LEPR: variants seen among roughly 807,000 people sequenced by gnomAD.
LEPR encodes OB receptor.
A neutral mutation model predicts 114.7 loss-of-function variants in LEPR; 56 were observed. That is an observed-to-expected ratio of 0.49 (90% CI 0.39 to 0.61). The LOEUF (loss-of-function observed/expected upper bound fraction) is 0.61. LEPR is among the 20% of genes least tolerant of loss of function. The probability of loss-of-function intolerance (pLI) is 0.00; values close to 1 mark genes in which losing one functional copy is unlikely to be tolerated. For missense variants in LEPR, 1,202 were observed against 1,352.9 expected, an observed-to-expected ratio of 0.89 and a Z score of 1.75; for synonymous variants, 443 against 461.4, an observed-to-expected ratio of 0.96 and a Z score of 0.51.
intron 2 of LEPR, among the ~76,000 whole-genome samples, chr1:65,483,889 C>G (rs1373141987): frequency 6.6e-6 from 1 of 151,126 alleles, no homozygotes; most frequent in East Asian, 1.9e-4. Flanking sequence ...GTTTTTTTTT[C>G]TTTATAACCT....
At chr1:65,509,429 A>G (rs1238617318) in intron 2 of LEPR, among the ~76,000 whole-genome samples, 1 of 151,470 alleles carries the variant, frequency 6.6e-6, no homozygotes, top group Non-Finnish European at 1.5e-5. Flanking sequence ...CCTTTTCTGC[A>G]TCTATTATGA....
intron 2 of LEPR, among the ~76,000 whole-genome samples, chr1:65,549,222 C>T (rs937250038): frequency 1.3e-5 from 2 of 151,608 alleles, no homozygotes; most frequent in Admixed American, 1.3e-4. Flanking sequence ...CCCGACCTTT[C>T]TCTCTGGCTG....
chr1:65,500,144 C>T (rs1011887853), intron 2 of LEPR, among the ~76,000 whole-genome samples: 7 of 152,052 alleles, frequency 4.6e-5, no homozygotes, highest in African/African-American at 1.7e-4. Context: ...TCCCCTTCAC[C>T]TTCTGCCATG....
chr1:65,515,878 T>C (rs1165057632), intron 2 of LEPR, among the ~76,000 whole-genome samples: 1 of 152,218 alleles, frequency 6.6e-6, no homozygotes, highest in East Asian at 1.9e-4. Context: ...AAAAAATTGC[T>C]AGCACTTAAG....
intron 2 of LEPR, among the ~76,000 whole-genome samples, chr1:65,467,771 C>G (rs1007733065): frequency 2.0e-5 from 3 of 152,202 alleles, no homozygotes; most frequent in Non-Finnish European, 4.4e-5. Flanking sequence ...CTCCCCCAGT[C>G]AAGCTGCAGT....
chr1:65,623,769 T>C (rs1427290927), intron 19 of LEPR, among the ~76,000 whole-genome samples: 1 of 152,164 alleles, frequency 6.6e-6, no homozygotes, highest in Non-Finnish European at 1.5e-5. Flanking sequence ...ATACAAGATA[T>C]AAACTAAAGC....
At position 65,633,008 on chromosome 1, in the gene LEPR, C is replaced by A; in HGVS notation, c.2674-3183C>A. ...CTTAGTTCAAAATTTTGCCCTTTCC[C>A]AAAAGGATGCATTATTGTAACCTAA... On this transcript the variant is annotated intron_variant, in intron 19 of 19. Coordinates refer to ENST00000349533, the MANE Select transcript of LEPR (RefSeq NM_002303.6). The surrounding 1 kb of genome is among the most constrained non-coding windows in gnomAD (Gnocchi z 4.1). 1.5e-6 allele frequency: 1 copy of A among 668,588 alleles called. No individual in the cohort carries two copies. Among genetic ancestry groups the A allele is most frequent in the South Asian group, 2.1e-5 (1 of 47,594 alleles). The allele number at this position is 668,588 out of a possible 1,614,324, so 41.4% of individuals were successfully genotyped here.
chr1:65,469,921 C>T (rs747334954), intron 2 of LEPR, among the ~76,000 whole-genome samples: 1 of 152,214 alleles, frequency 6.6e-6, no homozygotes, highest in African/African-American at 2.4e-5. Context: ...CTGACCTGTG[C>T]GCACAGCACA....
At chr1:65,463,314 T>C (rs947720031) in intron 2 of LEPR, among the ~76,000 whole-genome samples, 6 of 152,200 alleles carry the variant, frequency 3.9e-5, no homozygotes, top group African/African-American at 1.4e-4. Flanking sequence ...GTCAGGTTTG[T>C]CAAAGATCAG....
At chr1:65,488,218 C>CTTTT (rs1189228267) in intron 2 of LEPR, among the ~76,000 whole-genome samples, 1 of 65,512 alleles carries the variant, frequency 1.5e-5, no homozygotes, top group Non-Finnish European at 2.6e-5. Flanking sequence ...CTTTCTCTCT[C>CTTTT]TCTCTCTCTC....
At chr1:65,534,413 T>C (rs1650613657) in intron 2 of LEPR, among the ~76,000 whole-genome samples, 1 of 152,196 alleles carries the variant, frequency 6.6e-6, no homozygotes, top group African/African-American at 2.4e-5. Flanking sequence ...TTGCCATATA[T>C]TGTGAGCATC....
chr1:65,570,573 C>T lies in LEPR; in HGVS notation c.141C>T (p.Phe47=). The stretch of plus-strand genomic sequence containing the variant: ...CACCAAATTCAACCTATGACTACTT[C>T]CTTTTGCCTGCTGGACTCTCAAAGA... ...CMPPNSTYDY[F]LLPAGLSKNT... Residue 47 remains phenylalanine (F), a synonymous_variant, in exon 4 of 20, where the codon TTC becomes TTT. Coordinates refer to ENST00000349533, the MANE Select transcript of LEPR (RefSeq NM_002303.6). 6.2e-7 allele frequency: 1 copy of T among 1,613,986 alleles called. No individual in the cohort carries two copies. Among genetic ancestry groups the T allele is most frequent in the Non-Finnish European group, 8.5e-7 (1 of 1,179,934 alleles).
chr1:65,637,392 T>A lies in LEPR; in HGVS notation c.*377T>A, dbSNP rs528465008. ...CACACACACACATTCTTAACACATG[T>A]CCTTGTGTGTTTTGAGAGTATATTA... On this transcript the variant is annotated 3_prime_UTR_variant, in exon 20 of 20. Transcript: ENST00000349533. 18 of 181,824 alleles carry A rather than the reference T, an allele frequency of 9.9e-5. No homozygotes were observed. The East Asian group carries it at 2.5e-3, about 25-fold the overall frequency. 11.3% of individuals were successfully genotyped at this position (181,824 alleles called of 1,614,324 possible).
At chr1:65,554,379 G>T (rs576718797) in intron 2 of LEPR, among the ~76,000 whole-genome samples, 5 of 152,130 alleles carry the variant, frequency 3.3e-5, no homozygotes, top group Admixed American at 6.6e-5. Context: ...CCCCTGACTG[G>T]GGCTGCTGCC....
Position 65,596,078 on chromosome 1 carries a change from A to G in LEPR, c.704-370A>G, listed in dbSNP as rs551348781. On this transcript the variant is annotated intron_variant, in intron 6 of 19. Transcript: ENST00000349533. ...CAAAATGCTTTTTTCCTTTTTAACCACTAAAATAATTGAAGTGGGTGAGGT... is the reference window on the plus strand; with the variant it reads ...CAAAATGCTTTTTTCCTTTTTAACCGCTAAAATAATTGAAGTGGGTGAGGT... 3.3e-5 allele frequency among the ~76,000 whole-genome samples: 5 copies of G among 152,148 alleles called. No individual in the cohort carries two copies. In the South Asian group the frequency reaches 1.0e-3, roughly 32 times the overall value.
chr1:65,462,673 T>C (rs1321491644), intron 2 of LEPR, among the ~76,000 whole-genome samples: 2 of 152,248 alleles, frequency 1.3e-5, no homozygotes, highest in African/African-American at 4.8e-5. Flanking sequence ...GCTTCCTGAC[T>C]TTTTAATGAT....
chr1:65,464,943 G>A (rs1005920366), intron 2 of LEPR, among the ~76,000 whole-genome samples: 15 of 151,440 alleles, frequency 9.9e-5, no homozygotes, highest in Admixed American at 2.6e-4. Flanking sequence ...TCTTGCTAGC[G>A]GTCTATTTTG....
At chr1:65,474,205 C>T (rs1436903657) in intron 2 of LEPR, among the ~76,000 whole-genome samples, 1 of 152,164 alleles carries the variant, frequency 6.6e-6, no homozygotes, top group Non-Finnish European at 1.5e-5. Flanking sequence ...TTTAAGCTGT[C>T]TTTGACCTAT....
chr1:65,483,265 C>T (rs1303319062), intron 2 of LEPR, among the ~76,000 whole-genome samples: 4 of 147,914 alleles, frequency 2.7e-5, no homozygotes, highest in Middle Eastern at 3.2e-3. Flanking sequence ...TTCTACAAAT[C>T]AATAAGAAAA....
Sources: gnomAD v4.1 joint callset for allele counts (sites outside exome capture counted in the v4.1 genomes callset) on GRCh38, gnomAD v4.1.1 for gene constraint, Gnocchi (gnomAD v3.1) non-coding constraint, MANE v1.5 for transcripts, NCBI Gene and HGNC (gene_info 2026-07-23, HGNC 2026-07-21) for gene names.